Variants in FILIP1 observed in about 807,000 individuals in gnomAD.
The protein encoded by FILIP1 is filamin-A-interacting protein 1.
FILIP1 carries 61 observed loss-of-function variants against 102.1 expected under a neutral mutation model. The observed-to-expected ratio is 0.60, with a 90% confidence interval of 0.49 to 0.74. FILIP1 has a LOEUF of 0.74. Ranked by LOEUF, FILIP1 falls within the 30% of genes least tolerant of loss-of-function variation. The pLI, the probability that FILIP1 is intolerant of heterozygous loss-of-function variation, is 0.00. For synonymous variants in FILIP1, 491 were observed against 526.9 expected, an observed-to-expected ratio of 0.93 and a Z score of 0.93; for missense variants, 1,314 against 1,441.2, an observed-to-expected ratio of 0.91 and a Z score of 1.43.
chr6:75,398,546 A>G (rs1288178870), intron 2 of FILIP1, among the ~76,000 whole-genome samples: 2 of 152,144 alleles, frequency 1.3e-5, no homozygotes, highest in Non-Finnish European at 2.9e-5. Context: ...GGCCGTCTGT[A>G]TCTATAAGTA....
chr6:75,319,544 T>G (rs1263833278), intron 4 of FILIP1: 1 of 553,424 alleles, frequency 1.8e-6, no homozygotes, highest in African/African-American at 1.9e-5. Flanking sequence ...CTTAGAAAAC[T>G]CTGAGGCCGG....
intron 1 of FILIP1, among the ~76,000 whole-genome samples, chr6:75,449,815 A>C (rs1385825821): frequency 6.6e-6 from 1 of 152,214 alleles, no homozygotes; most frequent in Non-Finnish European, 1.5e-5. Context: ...CATTGAAAAT[A>C]ATCAGTGGAA....
At chr6:75,339,304 CTTGA>C (rs1774342878) in intron 4 of FILIP1, among the ~76,000 whole-genome samples, 1 of 152,152 alleles carries the variant, frequency 6.6e-6, no homozygotes, top group African/African-American at 2.4e-5. Flanking sequence ...TGAGGACTCT[CTTGA>C]TTAATTAATG....
At chr6:75,423,152 T>A (rs2951926) in intron 1 of FILIP1, among the ~76,000 whole-genome samples, 5 of 151,964 alleles carry the variant, frequency 3.3e-5, no homozygotes, top group African/African-American at 7.3e-5. Flanking sequence ...ACAACTACAC[T>A]AGAAGTTGCT....
At chr6:75,326,299 G>A (rs974385511) in intron 4 of FILIP1, among the ~76,000 whole-genome samples, 1 of 152,152 alleles carries the variant, frequency 6.6e-6, no homozygotes, top group Non-Finnish European at 1.5e-5. Context: ...TCTAAGCTAT[G>A]AGGACGCAAA....
Position 75,314,285 on chromosome 6 carries a change from A to T in FILIP1, c.1547T>A (p.Met516Lys). ...VMLVDERKNM[M>K]EKIKQEERKV... ...TCTCTCTTCTTGTTTTATTTTTTCC[A>T]TCATATTTTTCCTTTCATCAACCAG... is the stretch of plus-strand genomic sequence containing the variant. The change falls in exon 5 of 6, where the codon ATG becomes AAG. Residue 516 changes from methionine to lysine, a missense_variant. Coordinates refer to ENST00000237172, the MANE Select transcript of FILIP1 (RefSeq NM_015687.5). 2 of 1,536,710 alleles carry T rather than the reference A, an allele frequency of 1.3e-6. No homozygotes were observed. The highest frequency in any genetic ancestry group is 1.7e-6 in the Non-Finnish European group (2 of 1,154,146).
intron 1 of FILIP1, among the ~76,000 whole-genome samples, chr6:75,427,288 T>TA (rs1013973340): frequency 4.6e-5 from 7 of 152,112 alleles, no homozygotes; most frequent in African/African-American, 1.2e-4. Context: ...AATTCAGTCA[T>TA]AAAAAATCAA....
At chr6:75,486,608 A>G (rs962680968) in intron 1 of FILIP1, among the ~76,000 whole-genome samples, 5 of 152,120 alleles carry the variant, frequency 3.3e-5, no homozygotes, top group African/African-American at 7.2e-5. Context: ...GGTTGAAACT[A>G]TCGAATAGAT....
chr6:75,398,814 GC>G (rs1776552481), intron 2 of FILIP1: 1 of 151,406 alleles, frequency 6.6e-6, no homozygotes, highest in Non-Finnish European at 1.5e-5. Flanking sequence ...AATAGTGTAA[GC>G]CAGCAAAATG....
intron 4 of FILIP1, among the ~76,000 whole-genome samples, chr6:75,322,852 C>A (rs1293517952): frequency 3.3e-5 from 5 of 152,122 alleles, no homozygotes; most frequent in Non-Finnish European, 7.3e-5. Flanking sequence ...TGCTACCACA[C>A]CTGGCTAATT....
rs778034226 is a variant in FILIP1 at position 75,308,893 on chromosome 6, C to G, written c.3440G>C (p.Gly1147Ala). The G allele has an allele frequency of 5.6e-6, 9 of 1,613,994 alleles. No individual in the cohort carries two copies. The East Asian group carries it at 1.8e-4, about 32-fold the overall frequency. ...AGGCCGCTGGGATGACCCGTCTTGT[C>G]CTGACTGTAAGAGAGAAAATACGTA... ...SSARGTQSVSGQDGSSQRPTP... is the reference protein window; with the variant it reads ...SSARGTQSVSAQDGSSQRPTP... Residue 1147 changes from glycine to alanine, a missense_variant, in exon 6 of 6, where the codon GGA becomes GCA. Physicochemically the swap from Gly to Ala is moderately conservative, Grantham distance 60. Around this residue, in one of 3 missense-constraint regions of FILIP1, gnomAD observed 816 missense variants for 913.1 expected, o/e 0.89. Transcript: ENST00000237172.
intron 4 of FILIP1, among the ~76,000 whole-genome samples, chr6:75,330,041 A>G (rs2149576441): frequency 6.6e-6 from 1 of 152,314 alleles, no homozygotes; most frequent in Admixed American, 6.5e-5. Flanking sequence ...CTGGGATGAG[A>G]GAGAAGTGGA....
At chr6:75,480,878 T>C (rs1347042259) in intron 1 of FILIP1, among the ~76,000 whole-genome samples, 1 of 152,202 alleles carries the variant, frequency 6.6e-6, no homozygotes, top group Non-Finnish European at 1.5e-5. Context: ...ACCCTCTTCA[T>C]TACATAATTT....
intron 6 of FILIP1, among the ~76,000 whole-genome samples, chr6:75,296,341 TTGTGTGTGTGTGTGTGTG>T (rs57430339): frequency 7.8e-5 from 11 of 141,486 alleles, no homozygotes; most frequent in Admixed American, 4.2e-4. Flanking sequence ...TTCAATTTCT[TTGTGTGTGTGTGTGTGTG>T]TGTGTGTGTG....
At position 75,314,949 on chromosome 6, in the gene FILIP1, T is replaced by G; in HGVS notation, c.883A>C (p.Lys295Gln). Reference sequence around the variant, plus strand: ...AAGTCCACTTCTAACTTGAGCAATTTCTGTCTGTCTTCTTTGGATTTGGAA... The same window carrying G: ...AAGTCCACTTCTAACTTGAGCAATTGCTGTCTGTCTTCTTTGGATTTGGAA... The part of the protein sequence containing the change: ...ITSKSKEDRQ[K>Q]LLKLEVDFEH... Residue 295 changes from lysine (K) to glutamine (Q), a missense_variant, in exon 5 of 6, where the codon AAA becomes CAA. Lys to Gln is a moderately conservative substitution (Grantham distance 53). Coordinates refer to ENST00000237172, the MANE Select transcript of FILIP1 (RefSeq NM_015687.5). The G allele has an allele frequency of 6.2e-7, 1 of 1,614,182 alleles. No homozygotes were observed.
chr6:75,369,761 T>C (rs545380033), intron 2 of FILIP1, among the ~76,000 whole-genome samples: 1 of 152,334 alleles, frequency 6.6e-6, no homozygotes, highest in East Asian at 1.9e-4. Context: ...AGATGATAAG[T>C]AGTTTAAAAC....
intron 1 of FILIP1, among the ~76,000 whole-genome samples, chr6:75,448,570 A>G (rs1457053937): frequency 6.6e-6 from 1 of 152,148 alleles, no homozygotes; most frequent in African/African-American, 2.4e-5. Context: ...TACACAACCC[A>G]CAGAGTGGAA....
At chr6:75,386,246 G>A (rs1206169669) in intron 2 of FILIP1, 1 of 152,148 alleles carries the variant, frequency 6.6e-6, no homozygotes, top group East Asian at 1.9e-4. Context: ...ATGAAAGCAT[G>A]GTGAAGATGA....
chr6:75,399,838 C>A (rs950918159), intron 2 of FILIP1, among the ~76,000 whole-genome samples: 2 of 152,116 alleles, frequency 1.3e-5, no homozygotes, highest in African/African-American at 2.4e-5. Context: ...TGTTTTTAAT[C>A]TTTGTATTAT....
Sources: allele counts gnomAD v4.1 joint callset (sites outside exome capture counted in the v4.1 genomes callset), GRCh38; gene constraint gnomAD v4.1.1; regional missense constraint gnomAD v4.1.1; transcripts MANE v1.5; gene names NCBI Gene and HGNC (gene_info 2026-07-23, HGNC 2026-07-21).